Variants in ADAMTS12 observed in about 807,000 individuals in gnomAD.
ADAMTS12 encodes the protein ADAM metallopeptidase with thrombospondin type 1 motif 12.
Under a neutral mutation model 167.8 loss-of-function variants are expected in ADAMTS12, and 118 were observed. The observed-to-expected ratio is 0.70, with a 90% CI of 0.61 to 0.82. ADAMTS12 has a LOEUF of 0.82. Among genes scored for constraint, ADAMTS12 ranks in the 40% least tolerant of loss-of-function variants. The pLI is 0.00. For missense variants in ADAMTS12, 1,916 were observed against 1,998.8 expected, an observed-to-expected ratio of 0.96 and a Z score of 0.79; for synonymous variants, 704 against 716.9, an observed-to-expected ratio of 0.98 and a Z score of 0.29.
intron 2 of ADAMTS12, among the ~76,000 whole-genome samples, chr5:33,843,115 T>C (rs112617264): frequency 0.011 from 1,700 of 152,144 alleles, 33 homozygotes; most frequent in African/African-American, 0.039. Context: ...AGCCCTTAAG[T>C]AGGACAGATA....
intron 16 of ADAMTS12, among the ~76,000 whole-genome samples, chr5:33,603,045 C>T (rs1738265115): frequency 6.6e-6 from 1 of 152,174 alleles, no homozygotes; most frequent in Non-Finnish European, 1.5e-5. Context: ...AGTGTTCTCT[C>T]TTTTGTGTAG....
chr5:33,864,185 A>G (rs1749724748), intron 2 of ADAMTS12, among the ~76,000 whole-genome samples: 1 of 152,248 alleles, frequency 6.6e-6, no homozygotes, highest in South Asian at 2.1e-4. Context: ...AAGGATATGA[A>G]CAGACACTTC....
chr5:33,548,789 TG>T lies in ADAMTS12; in HGVS notation c.4302+417del, dbSNP rs996845306. ...GATGAAACTCTAATATTATACTGTG[TG>T]GAAAAGATAGGGCTGTTTCTCCCAG... On this transcript the variant is annotated intron_variant, in intron 21 of 23. Coordinates refer to ENST00000504830, the MANE Select transcript of ADAMTS12 (RefSeq NM_030955.4). 2.7e-4 allele frequency among the ~76,000 whole-genome samples: 41 copies of T among 152,168 alleles called. 1 individual carries two copies. Among genetic ancestry groups the T allele is most frequent in the Admixed American group, 2.6e-3 (39 of 15,282 alleles).
In ADAMTS12 at chr5:33,705,302, T is replaced by C. The variant is rs955013708; in HGVS notation, c.635-21247A>G. On this transcript the variant is annotated intron_variant, in intron 3 of 23. Transcript: ENST00000504830. ...GTGTGTGTGTGTGTGTGTGTGTGTG[T>C]GCGTGTATACATTCTTTGATTGATG... Among the ~76,000 whole-genome samples the C allele has an allele frequency of 2.9e-4, 43 of 147,646 alleles. 1 individual carries two copies. Among genetic ancestry groups the C allele is most frequent in the South Asian group, 1.5e-3 (7 of 4,544 alleles).
intron 20 of ADAMTS12, among the ~76,000 whole-genome samples, chr5:33,558,558 A>C (rs1030358417): frequency 1.3e-5 from 2 of 152,186 alleles, no homozygotes; most frequent in Admixed American, 1.3e-4. Flanking sequence ...GCAAGGAGTC[A>C]AGCCAGGCTT....
chr5:33,538,283 AC>A (rs1744510895), intron 22 of ADAMTS12, among the ~76,000 whole-genome samples: 1 of 152,046 alleles, frequency 6.6e-6, no homozygotes, highest in Non-Finnish European at 1.5e-5. Context: ...ACCTTATAAA[AC>A]CATCAGATCT....
chr5:33,649,819 GT>G (rs1740811312), intron 7 of ADAMTS12, 122 bp from the exon 8 acceptor site: 1 of 1,289,028 alleles, frequency 7.8e-7, no homozygotes, highest in East Asian at 2.5e-5. Context: ...GAAGGCAACT[GT>G]TTGCAAAGTG....
chr5:33,828,779 T>C (rs1748189044), intron 2 of ADAMTS12, among the ~76,000 whole-genome samples: 2 of 152,172 alleles, frequency 1.3e-5, no homozygotes, highest in African/African-American at 4.8e-5. Context: ...GCCAACATGA[T>C]CCCACTGTAC....
intron 2 of ADAMTS12, among the ~76,000 whole-genome samples, chr5:33,829,724 C>A (rs1308619768): frequency 1.3e-5 from 2 of 152,194 alleles, no homozygotes; most frequent in African/African-American, 4.8e-5. Flanking sequence ...CCCTACACAT[C>A]TAAGAGCAGA....
At chr5:33,677,716 C>T (rs187056353) in intron 5 of ADAMTS12, among the ~76,000 whole-genome samples, 25 of 152,310 alleles carry the variant, frequency 1.6e-4, no homozygotes, top group Admixed American at 1.4e-3. Flanking sequence ...TGGCTCCCAT[C>T]TGAACTCACT....
intron 2 of ADAMTS12, among the ~76,000 whole-genome samples, chr5:33,790,802 T>C (rs190886813): frequency 0.015 from 2,211 of 148,268 alleles, 32 homozygotes; most frequent in South Asian, 0.05. Context: ...TATATATATA[T>C]ATATATATGC....
chr5:33,735,493 T>C (rs1744337906), intron 3 of ADAMTS12, among the ~76,000 whole-genome samples: 1 of 152,214 alleles, frequency 6.6e-6, no homozygotes, highest in Admixed American at 6.5e-5. Flanking sequence ...CCATCTAAAA[T>C]GTAACCACTT....
intron 18 of ADAMTS12, among the ~76,000 whole-genome samples, chr5:33,586,897 C>G (rs748094363): frequency 1.3e-5 from 2 of 152,152 alleles, no homozygotes; most frequent in Non-Finnish European, 2.9e-5. Context: ...GTGCATGAAT[C>G]AGTAATACAC....
chr5:33,612,897 C>T (rs1434689201), intron 16 of ADAMTS12, among the ~76,000 whole-genome samples: 1 of 152,202 alleles, frequency 6.6e-6, no homozygotes, highest in Non-Finnish European at 1.5e-5. Flanking sequence ...TTAAATATCA[C>T]ATAATTTAAT....
intron 8 of ADAMTS12, 25 bp from the exon 9 acceptor site, chr5:33,648,991 GA>G (rs751236907): frequency 6.2e-7 from 1 of 1,611,678 alleles, no homozygotes; most frequent in South Asian, 1.1e-5. Flanking sequence ...ACAGAAATGA[GA>G]GGAGTTGTTT....
chr5:33,599,562 G>A (rs568239306), intron 16 of ADAMTS12, among the ~76,000 whole-genome samples: 3 of 152,146 alleles, frequency 2.0e-5, no homozygotes, highest in South Asian at 2.1e-4. Context: ...TTAGGCCTAG[G>A]GATGGTAGCC....
At chr5:33,850,332 C>G (rs1749176103) in intron 2 of ADAMTS12, among the ~76,000 whole-genome samples, 1 of 152,182 alleles carries the variant, frequency 6.6e-6, no homozygotes, top group African/African-American at 2.4e-5. Flanking sequence ...TCAGGGGAAG[C>G]TGGCCACGGC....
At chr5:33,693,996 T>G (rs1742654783) in intron 3 of ADAMTS12, among the ~76,000 whole-genome samples, 1 of 152,146 alleles carries the variant, frequency 6.6e-6, no homozygotes, top group Admixed American at 6.5e-5. Context: ...GTTCAGCATT[T>G]CTATATACCA....
intron 5 of ADAMTS12, among the ~76,000 whole-genome samples, chr5:33,676,219 C>T (rs557152129): frequency 2.0e-5 from 3 of 152,214 alleles, no homozygotes; most frequent in South Asian, 2.1e-4. Context: ...TTTGCAAGAA[C>T]GTGGCTTTTG....
Sources: gnomAD v4.1 joint callset for allele counts (sites outside exome capture counted in the v4.1 genomes callset) on GRCh38, gnomAD v4.1.1 for gene constraint, MANE v1.5 for transcripts, NCBI Gene and HGNC (gene_info 2026-07-23, HGNC 2026-07-21) for gene names.